Variants in TRIM26 observed in about 807,000 individuals in gnomAD.
TRIM26 encodes tripartite motif containing 26, also known as tripartite motif-containing protein 26.
Under a neutral mutation model 45.5 loss-of-function variants are expected in TRIM26, and 16 were observed. The ratio of observed to expected loss-of-function variants is 0.35; its 90% confidence interval spans 0.24 to 0.53. TRIM26 has a LOEUF of 0.53. Ranked by LOEUF, TRIM26 falls within the 20% of genes least tolerant of loss-of-function variation. TRIM26 has a pLI of 0.92. For missense variants in TRIM26, 442 were observed against 691.1 expected (o/e 0.64, Z 4.04); for synonymous variants, 273 against 290.4 (o/e 0.94, Z 0.61).
chr6:30,204,171 A>G (rs1420751878), intron 2 of TRIM26, among the ~76,000 whole-genome samples: 1 of 152,162 alleles, frequency 6.6e-6, no homozygotes, highest in Non-Finnish European at 1.5e-5. Context: ...ACTCCTTCTG[A>G]GGAAACTGAG....
At chr6:30,188,639 GA>G (rs1775475620) in intron 9 of TRIM26, 1 of 222,952 alleles carries the variant, frequency 4.5e-6, no homozygotes, top group Non-Finnish European at 9.3e-6. Context: ...TGGTTCTCAC[GA>G]AAGCAAGTGT....
chr6:30,193,757 T>A (rs1289873904), intron 6 of TRIM26, among the ~76,000 whole-genome samples: 1 of 152,212 alleles, frequency 6.6e-6, no homozygotes, highest in Non-Finnish European at 1.5e-5. Flanking sequence ...CATCAGTGTT[T>A]TGTAGTTTTC....
chr6:30,213,044 G>C (rs1270040404), intron 1 of TRIM26, among the ~76,000 whole-genome samples: 3 of 152,126 alleles, frequency 2.0e-5, no homozygotes, highest in African/African-American at 7.2e-5. Flanking sequence ...TTCTGGTTCC[G>C]CAGACTAGAA....
At position 30,211,658 on chromosome 6, in the gene TRIM26, C is replaced by T. The variant is rs549273079; in HGVS notation, c.-376+1647G>A. Among the ~76,000 whole-genome samples, 3 of 152,228 alleles carry T rather than the reference C, an allele frequency of 2.0e-5. No homozygotes were observed. In the East Asian group the frequency reaches 5.8e-4, roughly 29 times the overall value. ...AGGTTGAGGCAAGGTCACATAAGTACGAGTGTCTCATTAGCAAAAAGCTCT... is the reference window on the plus strand; with the variant it reads ...AGGTTGAGGCAAGGTCACATAAGTATGAGTGTCTCATTAGCAAAAAGCTCT... On this transcript the variant is annotated intron_variant, in intron 1 of 9. Coordinates refer to ENST00000454678, the MANE Select transcript of TRIM26 (RefSeq NM_003449.5).
intron 9 of TRIM26, chr6:30,187,267 G>C: frequency 3.2e-6 from 1 of 312,936 alleles, no homozygotes; most frequent in Non-Finnish European, 6.6e-6. Flanking sequence ...TTCCTTCCAA[G>C]AATCTTCCAA....
rs1775626512 is a variant in TRIM26 at position 30,189,794 on chromosome 6, G to A, written c.788+219C>T. On this transcript the variant is annotated intron_variant, in intron 7 of 9. Coordinates refer to ENST00000454678, the MANE Select transcript of TRIM26 (RefSeq NM_003449.5). The surrounding 1 kb of genome is among the most constrained non-coding windows in gnomAD (Gnocchi z 5.0). ...TGTCCCACCTCAAATAAGGCCAGTG[G>A]GCCAAGGAGCTGGGGCTACACAGAG... 2.3e-5 allele frequency: 15 copies of A among 648,262 alleles called. No homozygotes were observed. The allele number at this position is 648,262 out of a possible 1,614,324, so 40.2% of individuals were successfully genotyped here. A position where few individuals can be genotyped will look rare whatever the true frequency, so the allele number is the denominator to read the frequency against.
At position 30,189,738 on chromosome 6, in the gene TRIM26, C is replaced by G. The variant is rs1230757710; in HGVS notation, c.789-205G>C. 1.6e-6 allele frequency: 1 copy of G among 634,020 alleles called. No individual in the cohort carries two copies. The highest frequency in any genetic ancestry group is 2.7e-6 in the Non-Finnish European group (1 of 366,142). 39.3% of individuals were successfully genotyped at this position (634,020 alleles called of 1,614,324 possible). A position where few individuals can be genotyped will look rare whatever the true frequency, so the allele number is the denominator to read the frequency against. ...AGACTCCACATCCAGGGCGCTCTGTCTACTAAGCCATGTTTCTAACCTCTC... is the reference window on the plus strand; with the variant it reads ...AGACTCCACATCCAGGGCGCTCTGTGTACTAAGCCATGTTTCTAACCTCTC... On this transcript the variant is annotated intron_variant, in intron 7 of 9. Coordinates refer to ENST00000454678, the MANE Select transcript of TRIM26 (RefSeq NM_003449.5). This position sits in a 1 kb window ranked among gnomAD's most constrained non-coding sequence, Gnocchi z 5.0.
At chr6:30,213,096 C>T (rs983770148) in intron 1 of TRIM26, among the ~76,000 whole-genome samples, 2 of 152,070 alleles carry the variant, frequency 1.3e-5, no homozygotes, top group African/African-American at 4.8e-5. Flanking sequence ...CGAGAAAGAC[C>T]CAAGAGGAGG....
At position 30,207,338 on chromosome 6, in the gene TRIM26, G is replaced by A. The variant is rs539258932; in HGVS notation, c.-375-2573C>T. 4.6e-4 allele frequency among the ~76,000 whole-genome samples: 70 copies of A among 152,280 alleles called. No individual in the cohort carries two copies. The highest frequency in any genetic ancestry group is 1.2e-3 in the African/African-American group (49 of 41,558). The stretch of plus-strand genomic sequence containing the variant: ...ACCGAGGTTACAGCAGAGAACAAAA[G>A]TGGCAAACTCCCTGTCCTACCAGAA... On this transcript the variant is annotated intron_variant, in intron 1 of 9. Transcript: ENST00000454678. This position sits in a 1 kb window ranked among gnomAD's most constrained non-coding sequence, Gnocchi z 4.9.
chr6:30,193,877 T>C (rs888300286), intron 6 of TRIM26, among the ~76,000 whole-genome samples: 1 of 152,206 alleles, frequency 6.6e-6, no homozygotes, highest in Non-Finnish European at 1.5e-5. Context: ...TTAGCTAGTT[T>C]GTTATTGGTG....
chr6:30,213,065 T>C (rs1239580937), intron 1 of TRIM26, among the ~76,000 whole-genome samples: 1 of 151,440 alleles, frequency 6.6e-6, no homozygotes, highest in African/African-American at 2.4e-5. Context: ...TGGATGGGAG[T>C]CTGAGTAGGA....
chr6:30,185,809 T>G lies in TRIM26; in HGVS notation c.*67A>C. 2.6e-6 allele frequency: 4 copies of G among 1,528,630 alleles called. No individual in the cohort carries two copies. The highest frequency in any genetic ancestry group is 2.7e-6 in the Non-Finnish European group (3 of 1,130,288). The allele number at this position is 1,528,630 out of a possible 1,614,324, so 94.7% of individuals were successfully genotyped here. ...TTAGGCCAGGCATCCCGTCCCCCCATTGAGAGTCCTGGAATTCCAAAGAAG... is the reference window on the plus strand; with the variant it reads ...TTAGGCCAGGCATCCCGTCCCCCCAGTGAGAGTCCTGGAATTCCAAAGAAG... On this transcript the variant is annotated 3_prime_UTR_variant, in exon 10 of 10. Coordinates refer to ENST00000454678, the MANE Select transcript of TRIM26 (RefSeq NM_003449.5). The surrounding 1 kb of genome is among the most constrained non-coding windows in gnomAD (Gnocchi z 5.7).
intron 3 of TRIM26, 80 bp from the exon 4 acceptor site, chr6:30,199,344 G>A: frequency 4.6e-6 from 2 of 432,762 alleles, no homozygotes; most frequent in Non-Finnish European, 4.1e-6. Flanking sequence ...ATAAGGATAT[G>A]GAAACCCAGA....
intron 9 of TRIM26, chr6:30,187,357 C>T (rs749114854): frequency 1.2e-5 from 4 of 329,236 alleles, no homozygotes; most frequent in Non-Finnish European, 2.5e-5. Context: ...GGCATTCAGG[C>T]ATTCGGCAAC....
intron 6 of TRIM26, among the ~76,000 whole-genome samples, chr6:30,191,140 T>C (rs535413667): frequency 7.2e-5 from 11 of 152,210 alleles, no homozygotes; most frequent in African/African-American, 2.6e-4. Context: ...CAGATTCAAC[T>C]GGACATACTG....
intron 6 of TRIM26, among the ~76,000 whole-genome samples, chr6:30,192,863 G>A (rs113591057): frequency 1.5e-3 from 232 of 151,918 alleles, no homozygotes; most frequent in South Asian, 9.3e-3. Context: ...ATTTTTCTGC[G>A]TATGGTTGGT....
At chr6:30,199,325 A>G in intron 3 of TRIM26, 61 bp from the exon 4 acceptor site, 2 of 476,188 alleles carry the variant, frequency 4.2e-6, no homozygotes, top group Non-Finnish European at 3.7e-6. Context: ...CAACTTCCTC[A>G]TTGTACAGAT....
In TRIM26 at chr6:30,189,832, GAGAGCAAGTCTCC is replaced by G. The variant is rs757533430; in HGVS notation, c.788+168_788+180del. 1.4e-6 allele frequency: 1 copy of G among 721,870 alleles called. No homozygotes were observed. Among genetic ancestry groups the G allele is most frequent in the Non-Finnish European group, 2.3e-6 (1 of 432,626 alleles). The allele number at this position is 721,870 out of a possible 1,614,324, so 44.7% of individuals were successfully genotyped here. ...GGGCTACACAGAGAACCATAAGGAG[GAGAGCAAGTCTCC>G]AGTTCTCAATGATGTGTCCTGCTCC... On this transcript the variant is annotated intron_variant, in intron 7 of 9. Transcript: ENST00000454678. The surrounding 1 kb of genome is among the most constrained non-coding windows in gnomAD (Gnocchi z 5.0).
intron 1 of TRIM26, among the ~76,000 whole-genome samples, chr6:30,211,249 A>C (rs3130383): frequency 0.42 from 64,530 of 151,894 alleles, 13,875 homozygotes; most frequent in Non-Finnish European, 0.45. Flanking sequence ...TTACCTAGAT[A>C]TCTCTTGGCC....
Sources: allele counts gnomAD v4.1 joint callset (sites outside exome capture counted in the v4.1 genomes callset), GRCh38; gene constraint gnomAD v4.1.1; non-coding constraint Gnocchi (gnomAD v3.1); transcripts MANE v1.5; gene names NCBI Gene and HGNC (gene_info 2026-07-23, HGNC 2026-07-21).